Variants in BBS9 observed in about 807,000 individuals in gnomAD.
The protein encoded by BBS9 is Bardet-Biedl syndrome 9.
BBS9 carries 89 observed loss-of-function variants against 117.7 expected under a neutral mutation model. The ratio of observed to expected loss-of-function variants is 0.76; its 90% CI spans 0.64 to 0.90. The LOEUF is 0.90. Among genes scored for constraint, BBS9 ranks in the 40% least tolerant of loss-of-function variants. The probability of loss-of-function intolerance (pLI) is 0.00; values close to 1 mark genes in which losing one functional copy is unlikely to be tolerated. For synonymous variants in BBS9, 379 were observed against 370.9 expected (o/e 1.02, Z -0.25); for missense variants, 982 against 1,042.2 (o/e 0.94, Z 0.80).
intron 5 of BBS9, among the ~76,000 whole-genome samples, chr7:33,244,488 TTAA>T (rs1461403247): frequency 3.9e-5 from 6 of 152,178 alleles, no homozygotes; most frequent in African/African-American, 1.4e-4. Context: ...AGAGTGAGAC[TTAA>T]TAACTAAATT....
intron 5 of BBS9, among the ~76,000 whole-genome samples, chr7:33,220,730 C>T (rs537183889): frequency 2.0e-5 from 3 of 152,246 alleles, no homozygotes; most frequent in East Asian, 1.9e-4. Flanking sequence ...TACTTATTTA[C>T]GTTTATTCTT....
chr7:33,432,960 G>A (rs542995453), intron 19 of BBS9, among the ~76,000 whole-genome samples: 1 of 152,134 alleles, frequency 6.6e-6, no homozygotes, highest in East Asian at 1.9e-4. Context: ...CAGTTGAAAA[G>A]GAACTGACAT....
chr7:33,631,925 C>G (rs968713296), intron 21 of BBS9, among the ~76,000 whole-genome samples: 1 of 151,942 alleles, frequency 6.6e-6, no homozygotes, highest in East Asian at 1.9e-4. Context: ...AACAGGGGAC[C>G]AAAAATGGGG....
At chr7:33,281,693 T>C (rs1167828547) in intron 9 of BBS9, among the ~76,000 whole-genome samples, 2 of 151,994 alleles carry the variant, frequency 1.3e-5, no homozygotes, top group Admixed American at 1.3e-4. Context: ...CATCTTTCAA[T>C]AGGTTCATTT....
chr7:33,613,960 GC>G (rs1252559396), intron 21 of BBS9, among the ~76,000 whole-genome samples: 2 of 152,054 alleles, frequency 1.3e-5, no homozygotes, highest in African/African-American at 4.8e-5. Flanking sequence ...TTTCTGCATG[GC>G]AGGCTATATG....
At chr7:33,286,730 C>A (rs928460078) in intron 9 of BBS9, among the ~76,000 whole-genome samples, 1 of 152,054 alleles carries the variant, frequency 6.6e-6, no homozygotes, top group Admixed American at 6.6e-5. Flanking sequence ...AAGCTCTTTG[C>A]AGAAGTACTT....
chr7:33,273,062 C>T lies in BBS9; in HGVS notation c.753C>T (p.Val251=), dbSNP rs2128344695. The T allele has an allele frequency of 6.2e-7, 1 of 1,613,602 alleles. No homozygotes were observed. The highest frequency in any genetic ancestry group is 1.3e-5 in the African/African-American group (1 of 74,958). The change falls in exon 8 of 23, where the codon GTC becomes GTT. Residue 251 remains valine, a synonymous_variant. Transcript: ENST00000242067. ...AGCAAGCCCTTGACATATGTATTGT[C>T]TCTTTCAATCAGTCGGCATCCTCTG... ...IGEQALDICI[V]SFNQSASSVF... is the part of the protein sequence containing the mutation.
At position 33,330,175 on chromosome 7, in the gene BBS9, G is replaced by A. The variant is rs956797339; in HGVS notation, c.1017-6266G>A. Among the ~76,000 whole-genome samples, 11 of 151,738 alleles carry A rather than the reference G, an allele frequency of 7.2e-5. No homozygotes were observed. In the South Asian group the frequency reaches 1.3e-3, roughly 17 times the overall value. On this transcript the variant is annotated intron_variant, in intron 9 of 22. Coordinates refer to ENST00000242067, the MANE Select transcript of BBS9 (RefSeq NM_198428.3). The stretch of plus-strand genomic sequence containing the variant: ...ACTACAGATGCATGCCACCACACCC[G>A]GCTAAATTTTTTGTATTTTAGTAGA...
chr7:33,203,411 C>T (rs536330131), intron 5 of BBS9, among the ~76,000 whole-genome samples: 60 of 152,226 alleles, frequency 3.9e-4, no homozygotes, highest in African/African-American at 1.3e-3. Flanking sequence ...ATACTACTGG[C>T]GTGGGGAACC....
intron 13 of BBS9, among the ~76,000 whole-genome samples, 161 bp from the exon 14 acceptor site, chr7:33,351,058 A>G (rs1818558851): frequency 6.6e-6 from 1 of 152,240 alleles, no homozygotes; most frequent in South Asian, 2.1e-4. Context: ...GGACAATAAT[A>G]GTATCAACCT....
chr7:33,609,783 C>T (rs76883542), downstream of BBS9, among the ~76,000 whole-genome samples: 1,041 of 152,278 alleles, frequency 6.8e-3, 12 homozygotes, highest in Non-Finnish European at 0.012. Context: ...TCTTATGACA[C>T]TGGCTTAAGT....
Position 33,334,635 on chromosome 7 carries a change from T to A in BBS9, c.1017-1806T>A, listed in dbSNP as rs1178214472. ...CCCAAAGGTACTCTGGGGTTGCTTT[T>A]CATACTTTAAGAAGATCATTCCATT... On this transcript the variant is annotated intron_variant, in intron 9 of 22. Coordinates refer to ENST00000242067, the MANE Select transcript of BBS9 (RefSeq NM_198428.3). Among the ~76,000 whole-genome samples the A allele has an allele frequency of 2.6e-5, 4 of 152,208 alleles. No individual in the cohort carries two copies. The East Asian group carries it at 7.7e-4, about 29-fold the overall frequency.
chr7:33,300,226 C>A (rs1438673872), intron 9 of BBS9, among the ~76,000 whole-genome samples: 1 of 152,102 alleles, frequency 6.6e-6, no homozygotes, highest in Non-Finnish European at 1.5e-5. Flanking sequence ...TACTCTGACC[C>A]CACCTTCCTC....
intron 21 of BBS9, among the ~76,000 whole-genome samples, chr7:33,548,101 G>A (rs1853709327): frequency 6.6e-6 from 1 of 152,126 alleles, no homozygotes; most frequent in South Asian, 2.1e-4. Flanking sequence ...CCAGCTTCTT[G>A]GAAGTAGGGT....
intron 4 of BBS9, among the ~76,000 whole-genome samples, chr7:33,162,495 C>A (rs1011953140): frequency 1.3e-5 from 2 of 151,270 alleles, no homozygotes; most frequent in Non-Finnish European, 3.0e-5. Flanking sequence ...TTTGTGTCCT[C>A]TTTTATTTTG....
At chr7:33,461,531 T>C (rs934597820) in intron 19 of BBS9, among the ~76,000 whole-genome samples, 1 of 151,832 alleles carries the variant, frequency 6.6e-6, no homozygotes, top group Non-Finnish European at 1.5e-5. Flanking sequence ...TGTAAGACTC[T>C]CAGAAAAAGA....
At chr7:33,415,380 G>C (rs1831828101) in intron 19 of BBS9, among the ~76,000 whole-genome samples, 1 of 152,132 alleles carries the variant, frequency 6.6e-6, no homozygotes, top group African/African-American at 2.4e-5. Flanking sequence ...AGACAAACTA[G>C]ATGAAAATAC....
chr7:33,390,891 A>G (rs1826956068), intron 19 of BBS9, among the ~76,000 whole-genome samples: 1 of 152,134 alleles, frequency 6.6e-6, no homozygotes, highest in South Asian at 2.1e-4. Flanking sequence ...GTATTAATCT[A>G]GCTCTCTTTT....
intron 5 of BBS9, among the ~76,000 whole-genome samples, chr7:33,208,464 G>A (rs528913155): frequency 1.4e-4 from 21 of 152,176 alleles, no homozygotes; most frequent in Non-Finnish European, 1.9e-4. Context: ...AACCCATGTT[G>A]AGAATTTTTG....
Sources: gnomAD v4.1 joint callset for allele counts (sites outside exome capture counted in the v4.1 genomes callset) on GRCh38, gnomAD v4.1.1 for gene constraint, MANE v1.5 for transcripts, NCBI Gene and HGNC (gene_info 2026-07-23, HGNC 2026-07-21) for gene names.